SLC12A2: variants seen among roughly 807,000 people sequenced by gnomAD.
SLC12A2 encodes the protein Na-K-2Cl cotransporter 1.
SLC12A2 carries 67 observed loss-of-function variants against 136.3 expected under a neutral mutation model. The ratio of observed to expected loss-of-function variants is 0.49; its 90% CI spans 0.40 to 0.60. SLC12A2 has a LOEUF of 0.60. Among genes scored for constraint, SLC12A2 ranks in the 20% least tolerant of loss-of-function variants. The pLI, the probability that SLC12A2 is intolerant of heterozygous loss-of-function variation, is 0.00. For synonymous variants in SLC12A2, 619 were observed against 562.9 expected, an observed-to-expected ratio of 1.10 and a Z score of -1.41; for missense variants, 1,322 against 1,534.7, an observed-to-expected ratio of 0.86 and a Z score of 2.32.
chr5:128,171,086 ACT>A (rs1364336769), intron 18 of SLC12A2: 3 of 148,380 alleles, frequency 2.0e-5, no homozygotes, highest in African/African-American at 7.6e-5. Flanking sequence ...ACAGAGCGAG[ACT>A]CTGTCTCAAA....
intron 15 of SLC12A2, among the ~76,000 whole-genome samples, chr5:128,156,237 C>T (rs571717096): frequency 6.6e-6 from 1 of 152,180 alleles, no homozygotes; most frequent in African/African-American, 2.4e-5. Flanking sequence ...TCATAGCTTC[C>T]TCATGTGCTT....
At chr5:128,151,197 C>T in intron 13 of SLC12A2, 44 bp from the exon 14 acceptor site, 3 of 1,546,832 alleles carry the variant, frequency 1.9e-6, no homozygotes, top group Non-Finnish European at 2.6e-6. Flanking sequence ...TTGTGTAAAG[C>T]AGATGAGGTA....
chr5:128,114,558 T>C (rs1296659161), intron 3 of SLC12A2, 28 bp from the exon 4 acceptor site: 6 of 1,442,074 alleles, frequency 4.2e-6, no homozygotes, highest in Admixed American at 1.7e-5. Flanking sequence ...AGTGTAAGTA[T>C]TCTCATTGTC....
At chr5:128,104,678 G>GAT (rs1172392979) in intron 1 of SLC12A2, among the ~76,000 whole-genome samples, 52 of 73,818 alleles carry the variant, frequency 7.0e-4, no homozygotes, top group African/African-American at 2.7e-3. Context: ...TAGATATATA[G>GAT]ATATAGATAT....
At chr5:128,156,875 A>T (rs920939969) in intron 15 of SLC12A2, among the ~76,000 whole-genome samples, 38 of 152,250 alleles carry the variant, frequency 2.5e-4, no homozygotes, top group African/African-American at 8.7e-4. Context: ...GGAAATAGGA[A>T]CATACTTATG....
At position 128,174,646 on chromosome 5, in the gene SLC12A2, A is replaced by T. The variant is rs769326664; in HGVS notation, c.2909A>T (p.Glu970Val). Reference sequence around the variant, plus strand: ...TTAGATACTTCCAAACCACTCAGTGAAAAACCAATTACACACAAAGGTAAT... The same window carrying T: ...TTAGATACTTCCAAACCACTCAGTGTAAAACCAATTACACACAAAGGTAAT... ...SDLDTSKPLS[E>V]KPITHKVEEE... The change falls in exon 20 of 27, where the codon GAA (glutamate) becomes GTA (valine). Residue 970 changes from glutamate (E) to valine (V), a missense_variant. By Grantham distance (121) the Glu-to-Val change is moderately radical. Coordinates refer to ENST00000262461, the MANE Select transcript of SLC12A2 (RefSeq NM_001046.3). The T allele has an allele frequency of 3.1e-6, 5 of 1,600,048 alleles. No homozygotes were observed. Among genetic ancestry groups the T allele is most frequent in the Middle Eastern group, 1.7e-4 (1 of 5,994 alleles).
In SLC12A2 at chr5:128,084,464, C is replaced by T. The variant is rs1177845561; in HGVS notation, c.510C>T (p.Ser170=). ...TCGGAGTCGACGGGCCCAACGTGAG[C>T]TTCCAGAACGGCGGGGACACGGTGC... ...AGVGVDGPNV[S]FQNGGDTVLS... Residue 170 remains serine, a synonymous_variant, in exon 1 of 27, where the codon AGC becomes AGT. Transcript: ENST00000262461. The surrounding 1 kb of genome is among the most constrained non-coding windows in gnomAD (Gnocchi z 5.6). 1.2e-6 allele frequency: 2 copies of T among 1,612,992 alleles called. No individual in the cohort carries two copies. The highest frequency in any genetic ancestry group is 1.3e-5 in the African/African-American group (1 of 74,968).
At chr5:128,138,535 C>T in intron 7 of SLC12A2, 62 bp from the exon 8 acceptor site, 1 of 1,472,054 alleles carries the variant, frequency 6.8e-7, no homozygotes, top group Middle Eastern at 1.8e-4. Context: ...TTATTCTTGA[C>T]CTCAGTTATT....
intron 6 of SLC12A2, among the ~76,000 whole-genome samples, chr5:128,135,479 A>G (rs1762155977): frequency 6.6e-6 from 1 of 151,942 alleles, no homozygotes; most frequent in Admixed American, 6.6e-5. Flanking sequence ...TCTCACTTTT[A>G]CTATCTTTTT....
At chr5:128,159,284 C>T (rs977988883) in intron 16 of SLC12A2, among the ~76,000 whole-genome samples, 11 of 151,950 alleles carry the variant, frequency 7.2e-5, no homozygotes, top group African/African-American at 2.4e-4. Flanking sequence ...AAACTTAAGA[C>T]CTAAAACATA....
intron 18 of SLC12A2, 135 bp downstream of exon 18, chr5:128,168,002 G>A: frequency 1.8e-6 from 1 of 542,220 alleles, no homozygotes; most frequent in South Asian, 3.0e-5. Context: ...ATCACACAAA[G>A]CATCTGGGTT....
intron 19 of SLC12A2, among the ~76,000 whole-genome samples, chr5:128,173,554 T>C (rs540855749): frequency 5.9e-5 from 9 of 152,344 alleles, no homozygotes; most frequent in African/African-American, 1.7e-4. Flanking sequence ...AGCATAGGCA[T>C]TGGAGTCAGG....
chr5:128,131,149 T>C lies in SLC12A2; in HGVS notation c.1131T>C (p.Ala377=), dbSNP rs772514192. The stretch of plus-strand genomic sequence containing the variant: ...GTCTAATCTTCGCCTTTGCCAACGC[T>C]GTTGCAGTTGCTATGTATGTGGTTG... ...AIGLIFAFAN[A]VAVAMYVVGF... is the part of the protein sequence containing the mutation. Residue 377 remains alanine, a synonymous_variant, in exon 5 of 27, where the codon GCT becomes GCC. Transcript: ENST00000262461. 2 of 1,614,180 alleles carry C rather than the reference T, an allele frequency of 1.2e-6. No individual in the cohort carries two copies. Among genetic ancestry groups the C allele is most frequent in the Non-Finnish European group, 1.7e-6 (2 of 1,180,006 alleles).
chr5:128,165,945 T>C (rs1181780741), intron 17 of SLC12A2, among the ~76,000 whole-genome samples: 1 of 126,170 alleles, frequency 7.9e-6, no homozygotes, highest in Non-Finnish European at 1.6e-5. Flanking sequence ...GTTAAAAATA[T>C]GCTGTGTGGT....
rs951540507 is a variant in SLC12A2, at chr5:128,083,822, G to A, written c.-133G>A. ...CTCTGTGGCCGTCCAGGCTAGCGGC[G>A]GCCCGCAGGCGGCGGGGAGAAAGAC... On this transcript the variant is annotated 5_prime_UTR_variant, in exon 1 of 27. Coordinates refer to ENST00000262461, the MANE Select transcript of SLC12A2 (RefSeq NM_001046.3). 105 of 673,600 alleles carry A rather than the reference G, an allele frequency of 1.6e-4. No homozygotes were observed. In the African/African-American group the frequency reaches 1.8e-3, roughly 12 times the overall value. The allele number at this position is 673,600 out of a possible 1,614,324, so 41.7% of individuals were successfully genotyped here.
intron 4 of SLC12A2, among the ~76,000 whole-genome samples, chr5:128,127,677 G>A (rs1345057521): frequency 6.6e-6 from 1 of 151,554 alleles, no homozygotes; most frequent in African/African-American, 2.4e-5. Flanking sequence ...TGTTTTTCAA[G>A]GAATTTGTGT....
At chr5:128,111,368 A>G (rs149821242) in intron 1 of SLC12A2, among the ~76,000 whole-genome samples, 184 of 152,300 alleles carry the variant, frequency 1.2e-3, no homozygotes, top group African/African-American at 4.3e-3. Context: ...GAGTGAGTCT[A>G]TTTGGCTGAC....
chr5:128,132,040 T>C (rs1762042403), intron 5 of SLC12A2, among the ~76,000 whole-genome samples: 1 of 152,220 alleles, frequency 6.6e-6, no homozygotes, highest in Admixed American at 6.5e-5. Context: ...AACATTTTTG[T>C]ATGGTTCAAG....
intron 2 of SLC12A2, 74 bp from the exon 3 acceptor site, chr5:128,114,138 C>A: frequency 1.9e-6 from 2 of 1,038,580 alleles, no homozygotes; most frequent in Non-Finnish European, 3.0e-6. Context: ...TCTACTTTGA[C>A]TGGTTTAATG....
Sources: gnomAD v4.1 joint callset for allele counts (sites outside exome capture counted in the v4.1 genomes callset) on GRCh38, gnomAD v4.1.1 for gene constraint, Gnocchi (gnomAD v3.1) non-coding constraint, MANE v1.5 for transcripts, NCBI Gene and HGNC (gene_info 2026-07-23, HGNC 2026-07-21) for gene names.